The following CCNB3 variants were observed in gnomAD, a reference collection of about 807,000 sequenced individuals.
The protein encoded by CCNB3 is G2/mitotic-specific cyclin-B3.
A neutral mutation model predicts 68.0 loss-of-function variants in CCNB3; 12 were observed. That is an observed-to-expected ratio of 0.18 (90% CI 0.11 to 0.29). CCNB3 has a LOEUF of 0.29. Among genes scored for constraint, CCNB3 ranks in the 10% least tolerant of loss-of-function variants. CCNB3 has a pLI of 1.00. For missense variants in CCNB3, 904 were observed against 993.1 expected (o/e 0.91, Z 1.21); for synonymous variants, 354 against 388.9 (o/e 0.91, Z 1.06).
At chrX:50,216,252 CTTGTGTGTGTGTGTGT>C (rs1338404681) in intron 1 of CCNB3, among the ~76,000 whole-genome samples, 1 of 105,651 alleles carries the variant, frequency 9.5e-6, no homozygotes, top group East Asian at 3.0e-4. Flanking sequence ...CGCGCCAGGC[CTTGTGTGTGTGTGTGT>C]TTGTGTGTGT....
At chrX:50,204,477 G>A (rs1935316362), upstream of CCNB3, 1 of 108,621 alleles carries the variant, frequency 9.2e-6, no homozygotes, top group African/African-American at 3.4e-5. Flanking sequence ...TGGCAGCACT[G>A]GCCACTTCCA....
intron 3 of CCNB3, among the ~76,000 whole-genome samples, chrX:50,286,725 C>G (rs1010416114): frequency 2.7e-5 from 3 of 109,145 alleles, no homozygotes; most frequent in Non-Finnish European, 5.7e-5. Context: ...TCTCGGCTCA[C>G]TGCAACCTCT....
At chrX:50,205,516 T>C (rs2146968498) in intron 1 of CCNB3, among the ~76,000 whole-genome samples, 1 of 110,344 alleles carries the variant, frequency 9.1e-6, no homozygotes, top group South Asian at 3.9e-4. Flanking sequence ...AGTGTATCAG[T>C]GAATGAATGT....
chrX:50,335,834 G>A (rs1482201858), intron 8 of CCNB3, among the ~76,000 whole-genome samples: 1 of 111,685 alleles, frequency 9.0e-6, no homozygotes, highest in Non-Finnish European at 1.9e-5. Context: ...GTGGCTCTCA[G>A]CTTGCTAAGC....
intron 9 of CCNB3, among the ~76,000 whole-genome samples, chrX:50,344,304 G>A (rs1207197255): frequency 8.9e-6 from 1 of 112,125 alleles, no homozygotes; most frequent in Non-Finnish European, 1.9e-5. Flanking sequence ...TATCCCTCTT[G>A]TTAAGTGACA....
chrX:50,302,852 A>G (rs782097772), intron 5 of CCNB3, among the ~76,000 whole-genome samples: 1 of 112,179 alleles, frequency 8.9e-6, no homozygotes. Context: ...TGGTTTACCC[A>G]TCTATCAGTT....
chrX:50,217,208 G>A (rs1935584926), intron 1 of CCNB3, among the ~76,000 whole-genome samples: 1 of 105,621 alleles, frequency 9.5e-6, no homozygotes, highest in African/African-American at 3.5e-5. Flanking sequence ...AGATTTACTG[G>A]CAACAAATTC....
intron 11 of CCNB3, among the ~76,000 whole-genome samples, chrX:50,350,759 G>A (rs1400994515): frequency 9.2e-6 from 1 of 108,944 alleles, no homozygotes; most frequent in African/African-American, 3.4e-5. Context: ...GCAGTGGTGC[G>A]ATCATAGTTC....
chrX:50,228,575 A>G (rs1935973303), intron 1 of CCNB3, among the ~76,000 whole-genome samples: 2 of 84,302 alleles, frequency 2.4e-5, no homozygotes, highest in East Asian at 3.3e-4. Context: ...GATAATATAT[A>G]GAATATATAT....
intron 1 of CCNB3, among the ~76,000 whole-genome samples, chrX:50,228,603 T>A (rs923264566): frequency 1.2e-5 from 1 of 84,908 alleles, no homozygotes; most frequent in Non-Finnish European, 2.2e-5. Flanking sequence ...AGATAATATA[T>A]ATAGAATATA....
chrX:50,347,110 G>C (rs1254444650), intron 10 of CCNB3, among the ~76,000 whole-genome samples: 4 of 111,428 alleles, frequency 3.6e-5, no homozygotes, highest in African/African-American at 1.3e-4. Context: ...GGGGGATGCT[G>C]GCAATATTCT....
intron 8 of CCNB3, among the ~76,000 whole-genome samples, chrX:50,324,731 A>G (rs1922208449): frequency 8.9e-6 from 1 of 112,223 alleles, no homozygotes; most frequent in South Asian, 3.6e-4. Context: ...TGACTTCATA[A>G]CAAAAGATTC....
intron 9 of CCNB3, among the ~76,000 whole-genome samples, chrX:50,344,320 CTG>C (rs1278956752): frequency 4.4e-5 from 5 of 112,532 alleles, no homozygotes; most frequent in Non-Finnish European, 7.5e-5. Context: ...TGACACATAA[CTG>C]TGTATACATA....
At chrX:50,288,470 G>A (rs782156991) in intron 3 of CCNB3, among the ~76,000 whole-genome samples, 8 of 111,244 alleles carry the variant, frequency 7.2e-5, no homozygotes, top group South Asian at 3.8e-4. Flanking sequence ...TAGGATAACC[G>A]TAAGTATGAG....
At position 50,342,219 on chromosome X, in the gene CCNB3, C is replaced by G; in HGVS notation, c.3534C>G (p.Thr1178=). 8.3e-7 allele frequency: 1 copy of G among 1,210,188 alleles called. No individual in the cohort carries two copies. Among genetic ancestry groups the G allele is most frequent in the South Asian group, 1.8e-5 (1 of 56,904 alleles). Residue 1178 remains threonine (T), a synonymous_variant, in exon 9 of 13, where the codon ACC becomes ACG. Transcript: ENST00000376042. ...TCCTCCAGGTGTCCTTTGAGATGAC[C>G]CATGAGACCCTGTACTTGGCAGTGA... ...LVEVQVSFEM[T]HETLYLAVKL...
chrX:50,221,305 T>C (rs915517627), intron 1 of CCNB3, among the ~76,000 whole-genome samples: 1 of 111,585 alleles, frequency 9.0e-6, no homozygotes, highest in East Asian at 2.8e-4. Context: ...TTATTTCTTG[T>C]CTTCTGCTAG....
At chrX:50,321,823 A>G (rs59718082) in intron 8 of CCNB3, among the ~76,000 whole-genome samples, 12,661 of 110,573 alleles carry the variant, frequency 0.11, 1,771 homozygotes, top group African/African-American at 0.4. Context: ...AAAATAGCCC[A>G]TTAGGATTAA....
At chrX:50,226,904 AATATATAGTATATATATAGAATAT>A (rs1935848046) in intron 1 of CCNB3, among the ~76,000 whole-genome samples, 2 of 54,313 alleles carry the variant, frequency 3.7e-5, no homozygotes, top group African/African-American at 2.1e-4. Context: ...ATATATATAG[AATATATAGTATATATATAGAATAT>A]ATATAGTATA....
In CCNB3 at chrX:50,288,893, T is replaced by C. The variant is rs369019523; in HGVS notation, c.204+6T>C. The C allele has an allele frequency of 5.0e-5, 55 of 1,106,252 alleles. No homozygotes were observed. Among genetic ancestry groups the C allele is most frequent in the Non-Finnish European group, 6.5e-5 (52 of 805,025 alleles). 91.2% of individuals were successfully genotyped at this position (1,106,252 alleles called of 1,213,427 possible). On this transcript the variant is annotated splice_donor_region_variant and intron_variant, in intron 4 of 12. Transcript: ENST00000376042. ...CTTTTGAAGATCTCACTAATGTGAG[T>C]ATGCTAGTCCAATCCTTTGCTATGG...
Sources: allele counts gnomAD v4.1 joint callset (sites outside exome capture counted in the v4.1 genomes callset), GRCh38; gene constraint gnomAD v4.1.1; transcripts MANE v1.5; gene names NCBI Gene and HGNC (gene_info 2026-07-23, HGNC 2026-07-21).